Variants in SPTA1 observed in about 807,000 individuals in gnomAD.
The protein encoded by SPTA1 is spectrin alpha, erythrocytic 1.
A neutral mutation model predicts 324.7 loss-of-function variants in SPTA1; 177 were observed. That is an observed-to-expected ratio of 0.55 (90% CI 0.48 to 0.62). The LOEUF is 0.62. SPTA1 is among the 20% of genes least tolerant of loss of function. The pLI is 0.00. For missense variants in SPTA1, 3,162 were observed against 2,883.6 expected, an observed-to-expected ratio of 1.10 and a Z score of -2.21; for synonymous variants, 1,195 against 1,041.3, an observed-to-expected ratio of 1.15 and a Z score of -2.84.
intron 42 of SPTA1, among the ~76,000 whole-genome samples, chr1:158,625,579 A>G (rs11265037): frequency 0.27 from 40,633 of 151,728 alleles, 5,600 homozygotes; most frequent in Middle Eastern, 0.32. Flanking sequence ...AAATATCAAA[A>G]AGATAATGAG....
chr1:158,611,090 T>G lies in SPTA1; in HGVS notation c.*174A>C, dbSNP rs571654703. 1.1e-6 allele frequency: 1 copy of G among 894,540 alleles called. No homozygotes were observed. The highest frequency in any genetic ancestry group is 1.6e-5 in the South Asian group (1 of 61,846). The allele number at this position is 894,540 out of a possible 1,614,324, so 55.4% of individuals were successfully genotyped here. A position where few individuals can be genotyped will look rare whatever the true frequency, so the allele number is the denominator to read the frequency against. ...TTTCTATCTCCCACCCTTGAGATTT[T>G]TTAAGATCCTACAATAAATGTAATA... On this transcript the variant is annotated 3_prime_UTR_variant, in exon 52 of 52. Coordinates refer to ENST00000643759, the MANE Select transcript of SPTA1 (RefSeq NM_003126.4).
At chr1:158,613,990 G>A (rs922708525) in intron 49 of SPTA1, 123 bp from the exon 50 acceptor site, 3 of 1,126,044 alleles carry the variant, frequency 2.7e-6, no homozygotes, top group Non-Finnish European at 3.9e-6. Flanking sequence ...AACTATCAGA[G>A]GACTGAATAC....
Position 158,638,173 on chromosome 1 carries a change from C to A in SPTA1, c.5049G>T (p.Gln1683His), listed in dbSNP as rs746762359. 6.1e-5 allele frequency: 98 copies of A among 1,613,796 alleles called. No individual in the cohort carries two copies. The highest frequency in any genetic ancestry group is 1.6e-4 in the Middle Eastern group (1 of 6,082). Residue 1683 changes from glutamine (Q) to histidine (H), a missense_variant, in exon 36 of 52, where the codon CAG becomes CAT. Gln to His is a conservative substitution (Grantham distance 24). Transcript: ENST00000643759. ...TGACATTATCTTTTTTCTTCACAAT[C>A]TGATCAACGTTGAAAGTCCCGCTGG... ...LLSSGTFNVD[Q>H]IVKKKDNVNK...
chr1:158,673,123 A>G (rs1654144901), intron 10 of SPTA1, among the ~76,000 whole-genome samples: 1 of 152,240 alleles, frequency 6.6e-6, no homozygotes, highest in African/African-American at 2.4e-5. Context: ...TCTGTCAACA[A>G]CAACAAAAAA....
chr1:158,642,464 C>G lies in SPTA1; in HGVS notation c.4684G>C (p.Gly1562Arg). The change falls in exon 33 of 52, where the codon GGG becomes CGG. Residue 1562 changes from glycine (G) to arginine (R), a missense_variant. Coordinates refer to ENST00000643759, the MANE Select transcript of SPTA1 (RefSeq NM_003126.4). ...GCGCTACACTCAATCAGGGAGTTCC[C>G]CAGGTTGATGACGCCATGCACCTGC... The part of the protein sequence containing the change: ...SEQVHGVINL[G>R]NSLIECSACD... 6.2e-7 allele frequency: 1 copy of G among 1,613,724 alleles called. No individual in the cohort carries two copies. The highest frequency in any genetic ancestry group is 1.1e-5 in the South Asian group (1 of 91,076).
At chr1:158,669,337 T>C (rs2101908428) in intron 14 of SPTA1, 71 bp downstream of exon 14, 1 of 1,604,022 alleles carries the variant, frequency 6.2e-7, no homozygotes, top group Non-Finnish European at 8.5e-7. Context: ...AAGTTCATTT[T>C]ACTCCAAGAC....
At chr1:158,664,100 C>T (rs938900909) in intron 16 of SPTA1, among the ~76,000 whole-genome samples, 1 of 152,150 alleles carries the variant, frequency 6.6e-6, no homozygotes, top group Non-Finnish European at 1.5e-5. Flanking sequence ...TTAGTTCAAC[C>T]ATTGTGGAAG....
chr1:158,684,637 C>T (rs1655040727), intron 2 of SPTA1, among the ~76,000 whole-genome samples: 1 of 152,062 alleles, frequency 6.6e-6, no homozygotes. Context: ...ACTCCCACTA[C>T]AATTAACCAG....
At chr1:158,660,638 A>C (rs1191125977) in intron 18 of SPTA1, among the ~76,000 whole-genome samples, 5 of 152,188 alleles carry the variant, frequency 3.3e-5, no homozygotes, top group Non-Finnish European at 5.9e-5. Flanking sequence ...GTGGGATCTG[A>C]AGTTTTTCTC....
At chr1:158,656,430 C>T (rs908487793) in intron 20 of SPTA1, 134 bp downstream of exon 20, 2 of 815,696 alleles carry the variant, frequency 2.5e-6, no homozygotes, top group South Asian at 1.4e-5. Flanking sequence ...TTCCTGCATA[C>T]AAGGGTCATA....
chr1:158,674,733 A>C, intron 8 of SPTA1, 58 bp from the exon 9 acceptor site: 3 of 1,605,906 alleles, frequency 1.9e-6, no homozygotes, highest in Non-Finnish European at 8.5e-7. Flanking sequence ...AAGGACATTG[A>C]ACAAAGATTT....
chr1:158,646,394 T>C (rs558881780), intron 27 of SPTA1, among the ~76,000 whole-genome samples: 1 of 152,280 alleles, frequency 6.6e-6, no homozygotes, highest in South Asian at 2.1e-4. Flanking sequence ...TTTTATTGGG[T>C]GCTTACTAAG....
chr1:158,648,465 A>G (rs914997135), intron 26 of SPTA1, 44 bp downstream of exon 26: 9 of 1,613,376 alleles, frequency 5.6e-6, no homozygotes, highest in South Asian at 1.1e-5. Flanking sequence ...ACGGCTAAAT[A>G]TAGACTGGAA....
intron 27 of SPTA1, among the ~76,000 whole-genome samples, chr1:158,646,039 T>C (rs1651975993): frequency 6.6e-6 from 1 of 152,214 alleles, no homozygotes; most frequent in Non-Finnish European, 1.5e-5. Flanking sequence ...ATACATCTTA[T>C]TACAGAGTCT....
chr1:158,626,894 G>A lies in SPTA1; in HGVS notation c.5778C>T (p.Asp1926=), dbSNP rs146520285. Residue 1926 remains aspartate (D), a synonymous_variant, in exon 41 of 52, where the codon GAC becomes GAT. Transcript: ENST00000643759. ...AIAAWKLQLE[D]DYAFQEFNWK... is the part of the protein sequence containing the mutation. ...AGTTGAATTCCTGAAAGGCATAATCGTCTTCCAATTGCAACTTCCAAGCAG... is the reference window on the plus strand; with the variant it reads ...AGTTGAATTCCTGAAAGGCATAATCATCTTCCAATTGCAACTTCCAAGCAG... 528 of 1,613,838 alleles carry A rather than the reference G, an allele frequency of 3.3e-4. 3 individuals carry two copies. The East Asian group carries it at 9.4e-3, about 29-fold the overall frequency.
At chr1:158,664,288 T>A (rs1653441788) in intron 16 of SPTA1, among the ~76,000 whole-genome samples, 1 of 152,184 alleles carries the variant, frequency 6.6e-6, no homozygotes, top group Admixed American at 6.6e-5. Flanking sequence ...CAGATGCCCA[T>A]CTATGATAGA....
chr1:158,663,666 C>G (rs5011464), intron 16 of SPTA1, among the ~76,000 whole-genome samples: 1 of 151,836 alleles, frequency 6.6e-6, no homozygotes, highest in Non-Finnish European at 1.5e-5. Context: ...TTTTATTTGC[C>G]TTTTTTTCTC....
chr1:158,622,893 TC>T, intron 43 of SPTA1, 89 bp downstream of exon 43: 1 of 1,173,540 alleles, frequency 8.5e-7, no homozygotes, highest in Non-Finnish European at 1.3e-6. Flanking sequence ...TTTTGTATTA[TC>T]CAAACTGAGT....
At chr1:158,665,713 C>G (rs7542936) in intron 16 of SPTA1, among the ~76,000 whole-genome samples, 11,706 of 152,202 alleles carry the variant, frequency 0.077, 1,539 homozygotes, top group African/African-American at 0.27. Flanking sequence ...TTGGGAAAGT[C>G]ACTTTACTTC....
Sources: gnomAD v4.1 joint callset for allele counts (sites outside exome capture counted in the v4.1 genomes callset) on GRCh38, gnomAD v4.1.1 for gene constraint, MANE v1.5 for transcripts, NCBI Gene and HGNC (gene_info 2026-07-23, HGNC 2026-07-21) for gene names.